The following EFCAB7 variants were observed in gnomAD, a reference collection of about 807,000 sequenced individuals.
EFCAB7 encodes EF-hand calcium-binding domain-containing protein 7.
In EFCAB7, 66 loss-of-function variants were observed where a neutral mutation model predicts 77.1. The ratio of observed to expected loss-of-function variants is 0.86; its 90% CI spans 0.70 to 1.05. The LOEUF is 1.05. Among genes scored for constraint, EFCAB7 ranks in the 50% least tolerant of loss-of-function variants. The pLI, the probability that EFCAB7 is intolerant of heterozygous loss-of-function variation, is 0.00. For synonymous variants in EFCAB7, 225 were observed against 243.3 expected (o/e 0.92, Z 0.70); for missense variants, 638 against 730.5 (o/e 0.87, Z 1.46).
chr1:63,544,090 C>G (rs913690982), intron 6 of EFCAB7, among the ~76,000 whole-genome samples: 19 of 151,460 alleles, frequency 1.3e-4, no homozygotes, highest in Admixed American at 1.3e-3. Context: ...CTGCCTCAGC[C>G]TTCGGAGTAG....
intron 6 of EFCAB7, among the ~76,000 whole-genome samples, chr1:63,537,739 T>C (rs1242749704): frequency 6.6e-6 from 1 of 152,188 alleles, no homozygotes; most frequent in East Asian, 1.9e-4. Flanking sequence ...TACCTACCTG[T>C]CTTATCATAC....
At chr1:63,555,987 C>G (rs768380128) in intron 9 of EFCAB7, among the ~76,000 whole-genome samples, 6 of 152,158 alleles carry the variant, frequency 3.9e-5, no homozygotes, top group Non-Finnish European at 8.8e-5. Context: ...AGCATCCTGC[C>G]TCAACCTTTC....
At chr1:63,535,283 C>G (rs1557672948) in intron 6 of EFCAB7, among the ~76,000 whole-genome samples, 2 of 151,942 alleles carry the variant, frequency 1.3e-5, no homozygotes, top group Non-Finnish European at 2.9e-5. Context: ...TAGTTCAATT[C>G]AACAAATATT....
At chr1:63,536,898 C>T (rs1283919199) in intron 6 of EFCAB7, 1 of 152,008 alleles carries the variant, frequency 6.6e-6, no homozygotes, top group Non-Finnish European at 1.5e-5. Flanking sequence ...TTTCCAGATA[C>T]TTTAAATTTA....
At chr1:63,548,414 G>A (rs1471712191) in intron 7 of EFCAB7, 1 of 152,128 alleles carries the variant, frequency 6.6e-6, no homozygotes, top group African/African-American at 2.4e-5. Flanking sequence ...TCAGCAGTTT[G>A]ACTGTGTGTC....
At chr1:63,532,827 A>T in intron 4 of EFCAB7, 71 bp downstream of exon 4, 1 of 1,232,068 alleles carries the variant, frequency 8.1e-7, no homozygotes, top group Non-Finnish European at 1.2e-6. Flanking sequence ...CCCCAGCTTT[A>T]TTAAGGTATA....
At chr1:63,568,593 A>C in intron 12 of EFCAB7, 74 bp downstream of exon 12, 1 of 1,149,566 alleles carries the variant, frequency 8.7e-7, no homozygotes, top group Non-Finnish European at 1.2e-6. Context: ...TCCTTACTCT[A>C]TTCGTATGTG....
chr1:63,531,962 A>T lies in EFCAB7; in HGVS notation c.330A>T (p.Ser110=), dbSNP rs9804078. Residue 110 remains serine (S), a synonymous_variant, in exon 3 of 14, where the codon TCA becomes TCT. Transcript: ENST00000371088. ...KPTSKAELLK[S]FKQLDVNDDG... is the part of the protein sequence containing the mutation. The stretch of plus-strand genomic sequence containing the variant: ...CTTCAAAAGCAGAACTACTAAAATC[A>T]TTTAAGCAATTAGATGTAAATGATG... 0.16 allele frequency: 256,071 copies of T among 1,611,066 alleles called. 21,238 individuals are homozygous for T. Among genetic ancestry groups the T allele is most frequent in the Middle Eastern group, 0.25 (1,525 of 6,050 alleles).
At chr1:63,563,300 T>A (rs1418636347) in intron 11 of EFCAB7, among the ~76,000 whole-genome samples, 1 of 151,790 alleles carries the variant, frequency 6.6e-6, no homozygotes, top group East Asian at 1.9e-4. Flanking sequence ...ATTCAAAAGG[T>A]AAAAAAAATA....
chr1:63,567,719 C>T (rs1366030925), intron 11 of EFCAB7, among the ~76,000 whole-genome samples: 1 of 152,170 alleles, frequency 6.6e-6, no homozygotes, highest in Non-Finnish European at 1.5e-5. Flanking sequence ...TGCATAGAGA[C>T]ACAGGAGACC....
intron 7 of EFCAB7, chr1:63,550,363 C>T (rs1646950214): frequency 6.6e-6 from 1 of 151,994 alleles, no homozygotes; most frequent in Non-Finnish European, 1.5e-5. Flanking sequence ...CTTTTTTCCT[C>T]TTTGGACTGA....
At chr1:63,560,359 T>G (rs368891527) in intron 10 of EFCAB7, among the ~76,000 whole-genome samples, 58 of 152,252 alleles carry the variant, frequency 3.8e-4, no homozygotes, top group African/African-American at 1.3e-3. Context: ...GGTTTCTTAA[T>G]GTATTTGTAT....
At chr1:63,584,279 G>A in the EFCAB7 span, among the ~76,000 whole-genome samples, 107 of 152,288 alleles carry the variant, frequency 7.0e-4, no homozygotes, top group African/African-American at 2.3e-3. Flanking sequence ...AGTGTAGCCG[G>A]GTGTGGTGGC....
At chr1:63,569,989 A>C (rs1272153407) in intron 12 of EFCAB7, 1 of 152,186 alleles carries the variant, frequency 6.6e-6, no homozygotes, top group Non-Finnish European at 1.5e-5. Flanking sequence ...GGAAAATTCA[A>C]CTCTCTTCAC....
chr1:63,585,258 A>G, the EFCAB7 span, among the ~76,000 whole-genome samples: 1 of 151,730 alleles, frequency 6.6e-6, no homozygotes. Context: ...CATTTGGTCC[A>G]TTTTATCTAA....
At chr1:63,552,462 C>T (rs1026196767) in intron 8 of EFCAB7, among the ~76,000 whole-genome samples, 1 of 152,106 alleles carries the variant, frequency 6.6e-6, no homozygotes, top group Non-Finnish European at 1.5e-5. Context: ...GTTTGTCTTA[C>T]TTATACTACT....
In EFCAB7 at chr1:63,532,678, G is replaced by A; in HGVS notation, c.408G>A (p.Glu136=). 2 of 1,592,910 alleles carry A rather than the reference G, an allele frequency of 1.3e-6. No homozygotes were observed. Among genetic ancestry groups the A allele is most frequent in the Admixed American group, 1.8e-5 (1 of 54,312 alleles). Residue 136 remains glutamate (E), a synonymous_variant, in exon 4 of 14, where the codon GAG becomes GAA. Coordinates refer to ENST00000371088, the MANE Select transcript of EFCAB7 (RefSeq NM_032437.4). ...DLYKFLTKRG[E]KMTREEVNAI... ...TTGTTTTTTTTTTTCAGAGAGGTGA[G>A]AAGATGACTCGAGAAGAAGTAAATG... is the stretch of plus-strand genomic sequence containing the variant.
Position 63,533,617 on chromosome 1 carries a change from G to C in EFCAB7, c.650G>C (p.Arg217Thr). The C allele has an allele frequency of 6.3e-7, 1 of 1,581,612 alleles. No individual in the cohort carries two copies. Among genetic ancestry groups the C allele is most frequent in the Admixed American group, 2.0e-5 (1 of 50,118 alleles). The change falls in exon 5 of 14, where the codon AGA becomes ACA. Residue 217 changes from arginine (R) to threonine (T), a missense_variant. Arg to Thr is a moderately conservative substitution (Grantham distance 71, BLOSUM62 -1). Coordinates refer to ENST00000371088, the MANE Select transcript of EFCAB7 (RefSeq NM_032437.4). Reference protein sequence around the residue: ...PVPKPSPKITRKTDPETFLNK... With the variant: ...PVPKPSPKITTKTDPETFLNK... ...CCAAAACCATCACCTAAAATCACAA[G>C]AAAAACTGATCCAGAAACATTCTTA... is the stretch of plus-strand genomic sequence containing the variant.
rs756914352 is a variant in EFCAB7, at chr1:63,546,077, A to G, written c.946+20A>G. The G allele has an allele frequency of 2.3e-5, 37 of 1,602,108 alleles. No homozygotes were observed. The highest frequency in any genetic ancestry group is 7.2e-5 in the Admixed American group (4 of 55,846). ...TTGAAGGCAAGTTTAAGTTTTTTGT[A>G]TATTTTTAAAATGTCAATTTGTACC... On this transcript the variant is annotated intron_variant, in intron 7 of 13. Coordinates refer to ENST00000371088, the MANE Select transcript of EFCAB7 (RefSeq NM_032437.4).
Sources: gnomAD v4.1 joint callset for allele counts (sites outside exome capture counted in the v4.1 genomes callset) on GRCh38, gnomAD v4.1.1 for gene constraint, MANE v1.5 for transcripts, NCBI Gene and HGNC (gene_info 2026-07-23, HGNC 2026-07-21) for gene names.